LCP2: variants seen among roughly 807,000 people sequenced by gnomAD.
The protein encoded by LCP2 is 76 kDa tyrosine phosphoprotein.
LCP2 carries 29 observed loss-of-function variants against 74.5 expected under a neutral mutation model. The observed-to-expected ratio is 0.39, with a 90% CI of 0.29 to 0.53. LCP2 has a LOEUF of 0.53. Among genes scored for constraint, LCP2 ranks in the 20% least tolerant of loss-of-function variants. The probability of loss-of-function intolerance (pLI) is 0.72; values close to 1 mark genes in which losing one functional copy is unlikely to be tolerated. For missense variants in LCP2, 604 were observed against 634.6 expected, an observed-to-expected ratio of 0.95 and a Z score of 0.52; for synonymous variants, 228 against 229.5, an observed-to-expected ratio of 0.99 and a Z score of 0.06.
intron 3 of LCP2, among the ~76,000 whole-genome samples, chr5:170,281,864 G>A (rs942516169): frequency 1.1e-4 from 17 of 152,066 alleles, no homozygotes; most frequent in Non-Finnish European, 7.4e-5. Flanking sequence ...CACCCACCCC[G>A]TCACTCTCTT....
At chr5:170,283,414 T>A (rs184156423) in intron 3 of LCP2, among the ~76,000 whole-genome samples, 20 of 152,306 alleles carry the variant, frequency 1.3e-4, no homozygotes, top group African/African-American at 4.8e-4. Context: ...AAGCTGAAAG[T>A]GCCTTCTTTA....
chr5:170,267,128 G>A (rs184009629), intron 8 of LCP2, 53 bp from the exon 9 acceptor site: 7 of 1,568,192 alleles, frequency 4.5e-6, no homozygotes, highest in East Asian at 4.5e-5. Context: ...AGCAAGAGCC[G>A]GCACTCCCAA....
rs1297714060 is a variant in LCP2, at chr5:170,248,511, T to C, written c.*186A>G. 1.7e-6 allele frequency: 1 copy of C among 598,024 alleles called. No homozygotes were observed. Among genetic ancestry groups the C allele is most frequent in the South Asian group, 1.9e-5 (1 of 53,556 alleles). 37.0% of individuals were successfully genotyped at this position (598,024 alleles called of 1,614,324 possible). On this transcript the variant is annotated 3_prime_UTR_variant, in exon 21 of 21. Coordinates refer to ENST00000046794, the MANE Select transcript of LCP2 (RefSeq NM_005565.5). ...GCACTTTACAAACATTGAAGAAGAA[T>C]AAATAAATTATGGGATAGTTGACAG...
intron 20 of LCP2, 26 bp downstream of exon 20, chr5:170,250,703 GA>G (rs763510313): frequency 4.4e-6 from 7 of 1,600,926 alleles, no homozygotes; most frequent in African/African-American, 1.3e-5. Flanking sequence ...AAGACTTTGG[GA>G]AAATGTCGAA....
chr5:170,280,520 A>G (rs901300728), intron 3 of LCP2, among the ~76,000 whole-genome samples: 4 of 152,152 alleles, frequency 2.6e-5, no homozygotes, highest in Non-Finnish European at 4.4e-5. Context: ...AAGACTCAGG[A>G]AGGAGCCTTT....
At position 170,262,756 on chromosome 5, in the gene LCP2, GA is replaced by G; in HGVS notation, c.819-15del. The G allele has an allele frequency of 1.9e-6, 3 of 1,613,594 alleles. No homozygotes were observed. The highest frequency in any genetic ancestry group is 2.5e-6 in the Non-Finnish European group (3 of 1,179,498). ...TCCCCGAGTGACCTGTGGAGTTCAG[GA>G]AAAGGATGTGTAAGAAACAAACTTT... On this transcript the variant is annotated splice_polypyrimidine_tract_variant and intron_variant, in intron 12 of 20. Transcript: ENST00000046794.
chr5:170,255,177 C>T (rs181106431), intron 17 of LCP2, among the ~76,000 whole-genome samples: 4 of 152,086 alleles, frequency 2.6e-5, no homozygotes, highest in Admixed American at 1.3e-4. Flanking sequence ...AGGGGTTGGG[C>T]GAGAAACTGT....
In LCP2 at chr5:170,248,615, T is replaced by A; in HGVS notation, c.*82A>T. The A allele has an allele frequency of 6.7e-7, 1 of 1,485,000 alleles. No homozygotes were observed. The highest frequency in any genetic ancestry group is 1.2e-5 in the South Asian group (1 of 85,956). The allele number at this position is 1,485,000 out of a possible 1,614,324, so 92.0% of individuals were successfully genotyped here. On this transcript the variant is annotated 3_prime_UTR_variant, in exon 21 of 21. Transcript: ENST00000046794. Reference sequence around the variant, plus strand: ...GGGAGGGGTTCAGTTCAGTCCTAAGTGTTTGTCCATTGACCAAGGCTGATT... The same window carrying A: ...GGGAGGGGTTCAGTTCAGTCCTAAGAGTTTGTCCATTGACCAAGGCTGATT...
chr5:170,275,087 G>GTGTC (rs1761984942), intron 5 of LCP2, among the ~76,000 whole-genome samples: 1 of 152,096 alleles, frequency 6.6e-6, no homozygotes, highest in Non-Finnish European at 1.5e-5. Flanking sequence ...GCTCCTCAGT[G>GTGTC]TGTCTCTGAA....
At chr5:170,287,125 T>C (rs1762195656) in intron 3 of LCP2, among the ~76,000 whole-genome samples, 1 of 152,244 alleles carries the variant, frequency 6.6e-6, no homozygotes, top group Admixed American at 6.5e-5. Flanking sequence ...ATATGATATC[T>C]GATTTGCCAC....
intron 20 of LCP2, 121 bp from the exon 21 acceptor site, chr5:170,248,940 A>T: frequency 1.0e-6 from 1 of 965,588 alleles, no homozygotes; most frequent in Non-Finnish European, 1.5e-6. Flanking sequence ...TGTGGGGGGA[A>T]AAAATGTAAA....
chr5:170,254,182 G>T (rs1045063966), intron 17 of LCP2, among the ~76,000 whole-genome samples: 5 of 152,102 alleles, frequency 3.3e-5, no homozygotes, highest in African/African-American at 1.2e-4. Flanking sequence ...GGAAATACAG[G>T]CTCAGAGGCT....
intron 2 of LCP2, among the ~76,000 whole-genome samples, chr5:170,291,090 G>C (rs1469446660): frequency 6.7e-6 from 1 of 149,560 alleles, no homozygotes; most frequent in African/African-American, 2.5e-5. Flanking sequence ...GAAGAAAGAA[G>C]ACAGGGAAGG....
chr5:170,285,860 T>C (rs1762175049), intron 3 of LCP2, among the ~76,000 whole-genome samples: 1 of 152,138 alleles, frequency 6.6e-6, no homozygotes, highest in South Asian at 2.1e-4. Flanking sequence ...CTGACACCCG[T>C]TGAATGAACT....
At chr5:170,285,710 C>T (rs74876379) in intron 3 of LCP2, among the ~76,000 whole-genome samples, 2,002 of 152,328 alleles carry the variant, frequency 0.013, 48 homozygotes, top group African/African-American at 0.046. Context: ...AGTGGCTACT[C>T]TTTCCTCCAA....
intron 3 of LCP2, among the ~76,000 whole-genome samples, chr5:170,277,462 T>G (rs929302728): frequency 2.0e-5 from 3 of 152,070 alleles, no homozygotes; most frequent in Admixed American, 2.0e-4. Context: ...AGATATGGGC[T>G]CCAGGCTGGG....
intron 5 of LCP2, among the ~76,000 whole-genome samples, chr5:170,274,830 A>C (rs983989783): frequency 6.6e-6 from 1 of 152,220 alleles, no homozygotes; most frequent in East Asian, 1.9e-4. Flanking sequence ...CAAAAAAAGT[A>C]GCTGGGCATG....
At chr5:170,272,200 C>A (rs1761907444) in intron 6 of LCP2, among the ~76,000 whole-genome samples, 1 of 152,188 alleles carries the variant, frequency 6.6e-6, no homozygotes, top group Admixed American at 6.5e-5. Flanking sequence ...AGCTCTTTAC[C>A]CCATCAACCT....
intron 10 of LCP2, among the ~76,000 whole-genome samples, chr5:170,264,863 A>G (rs573065041): frequency 2.6e-5 from 4 of 152,110 alleles, no homozygotes; most frequent in Admixed American, 2.0e-4. Flanking sequence ...GAGAGTTTTG[A>G]CGGTATAAAA....
Sources: allele counts gnomAD v4.1 joint callset (sites outside exome capture counted in the v4.1 genomes callset), GRCh38; gene constraint gnomAD v4.1.1; transcripts MANE v1.5; gene names NCBI Gene and HGNC (gene_info 2026-07-23, HGNC 2026-07-21).